CLEC2A: variants seen among roughly 807,000 people sequenced by gnomAD.
CLEC2A encodes the protein keratinocyte-associated C-type lectin.
Under a neutral mutation model 18.6 loss-of-function variants are expected in CLEC2A, and 19 were observed. The observed-to-expected ratio is 1.02, with a 90% CI of 0.71 to 1.50. CLEC2A has a LOEUF of 1.50. Among genes scored for constraint, CLEC2A ranks in the 40% most tolerant of loss-of-function variants. The pLI is 0.00. For missense variants in CLEC2A, 190 were observed against 207.9 expected, an observed-to-expected ratio of 0.91 and a Z score of 0.53; for synonymous variants, 74 against 64.0, an observed-to-expected ratio of 1.16 and a Z score of -0.75.
Position 9,926,267 on chromosome 12 carries a change from A to C in CLEC2A, c.132T>G (p.Ile44Met). The change falls in exon 2 of 5, where the codon ATT becomes ATG. Residue 44 changes from isoleucine to methionine, a missense_variant. By Grantham distance (10) the Ile-to-Met change is conservative. Coordinates refer to ENST00000455827, the MANE Select transcript of CLEC2A (RefSeq NM_001130711.2). ...LSIIITTVCI[I>M]MIATWSKHAK... ...ATGAATTAAACCACTCACCTATCAT[A>C]ATAATGCAAACTGTAGTAATAATAA... The C allele has an allele frequency of 6.5e-7, 1 of 1,536,454 alleles. No homozygotes were observed. The highest frequency in any genetic ancestry group is 8.8e-7 in the Non-Finnish European group (1 of 1,133,286).
At chr12:9,911,192 A>C (rs112944242), downstream of CLEC2A, among the ~76,000 whole-genome samples, 2 of 152,156 alleles carry the variant, frequency 1.3e-5, no homozygotes, top group Non-Finnish European at 2.9e-5. Flanking sequence ...AGGAGGGAAG[A>C]GAAGAGGGCC....
downstream of CLEC2A, among the ~76,000 whole-genome samples, chr12:9,908,909 GC>G (rs1211315610): frequency 2.0e-5 from 3 of 152,142 alleles, no homozygotes; most frequent in Non-Finnish European, 4.4e-5. Context: ...TTGATTTGGA[GC>G]CCCCTGTTGA....
chr12:9,909,342 C>T (rs767284616), downstream of CLEC2A, among the ~76,000 whole-genome samples: 3 of 152,168 alleles, frequency 2.0e-5, no homozygotes, highest in African/African-American at 7.2e-5. Context: ...CGGAATTCCT[C>T]GTCTGCTGTA....
chr12:9,884,504 C>T, the CLEC2A span, among the ~76,000 whole-genome samples: 8 of 150,642 alleles, frequency 5.3e-5, no homozygotes, highest in Admixed American at 2.0e-4. Context: ...GAATAACACA[C>T]GTAATTGTGC....
At chr12:9,930,087 A>G (rs892954174) in intron 1 of CLEC2A, among the ~76,000 whole-genome samples, 1 of 152,192 alleles carries the variant, frequency 6.6e-6, no homozygotes, top group Non-Finnish European at 1.5e-5. Flanking sequence ...TCTGAAATTA[A>G]GATGTTGGTC....
chr12:9,893,477 C>G, the CLEC2A span: 191 of 1,522,074 alleles, frequency 1.3e-4, 1 homozygote, highest in Middle Eastern at 5.0e-4. Flanking sequence ...TTGGATTGGA[C>G]TATATGTTAC....
At chr12:9,885,990 G>A in the CLEC2A span, among the ~76,000 whole-genome samples, 2 of 152,012 alleles carry the variant, frequency 1.3e-5, no homozygotes, top group Admixed American at 1.3e-4. Flanking sequence ...GTTAGACACT[G>A]AGTATGACCT....
chr12:9,896,261 T>C (rs1284086059), downstream of CLEC2A, among the ~76,000 whole-genome samples: 2 of 152,194 alleles, frequency 1.3e-5, no homozygotes, highest in Non-Finnish European at 2.9e-5. Context: ...CTGTGTATTA[T>C]AGCCTGAAGT....
At chr12:9,909,499 C>T (rs1030653658), downstream of CLEC2A, among the ~76,000 whole-genome samples, 1 of 152,186 alleles carries the variant, frequency 6.6e-6, no homozygotes, top group East Asian at 1.9e-4. Flanking sequence ...AAATTGATCA[C>T]CGACCTGATC....
the CLEC2A span, among the ~76,000 whole-genome samples, chr12:9,889,754 C>T: frequency 6.6e-6 from 1 of 151,560 alleles, no homozygotes. Context: ...TACGGTAATA[C>T]AGTGTGGAGG....
downstream of CLEC2A, among the ~76,000 whole-genome samples, chr12:9,912,492 A>G (rs978935982): frequency 2.6e-5 from 4 of 152,194 alleles, no homozygotes; most frequent in Non-Finnish European, 5.9e-5. Context: ...AGAGGTTTCG[A>G]GTCCTCATTT....
the CLEC2A span, among the ~76,000 whole-genome samples, chr12:9,892,235 G>A: frequency 6.6e-6 from 1 of 152,138 alleles, no homozygotes; most frequent in East Asian, 1.9e-4. Context: ...GGGTAAAGAA[G>A]GAAGAGGAGG....
At chr12:9,884,254 A>C in the CLEC2A span, among the ~76,000 whole-genome samples, 1 of 151,994 alleles carries the variant, frequency 6.6e-6, no homozygotes, top group Non-Finnish European at 1.5e-5. Flanking sequence ...ATTCTTGCCA[A>C]CTCTAATGCG....
At chr12:9,883,667 G>A in the CLEC2A span, among the ~76,000 whole-genome samples, 1 of 152,068 alleles carries the variant, frequency 6.6e-6, no homozygotes, top group Non-Finnish European at 1.5e-5. Context: ...TTCCATATTT[G>A]CTTGAACAGC....
chr12:9,907,718 G>C (rs1489945830), intron 4 of CLEC2A, among the ~76,000 whole-genome samples: 1 of 152,172 alleles, frequency 6.6e-6, no homozygotes, highest in Non-Finnish European at 1.5e-5. Flanking sequence ...TCTGAAACCT[G>C]TTCTAAATTT....
the CLEC2A span, among the ~76,000 whole-genome samples, chr12:9,892,707 C>T: frequency 6.6e-6 from 1 of 151,414 alleles, no homozygotes; most frequent in African/African-American, 2.4e-5. Flanking sequence ...GCCTCAGCCT[C>T]CCAAGTAGCT....
intron 1 of CLEC2A, among the ~76,000 whole-genome samples, chr12:9,928,223 T>G (rs1272327849): frequency 1.3e-5 from 2 of 152,160 alleles, no homozygotes; most frequent in Admixed American, 1.3e-4. Flanking sequence ...CCCAGCACTT[T>G]GGGAGGCCAA....
At chr12:9,924,453 C>T (rs988270345) in intron 2 of CLEC2A, among the ~76,000 whole-genome samples, 8 of 151,380 alleles carry the variant, frequency 5.3e-5, no homozygotes, top group African/African-American at 1.7e-4. Context: ...CAACCCAACC[C>T]AACCCAACCC....
the CLEC2A span, among the ~76,000 whole-genome samples, chr12:9,883,204 C>A: frequency 2.0e-5 from 3 of 152,130 alleles, no homozygotes; most frequent in African/African-American, 4.8e-5. Flanking sequence ...TAAAGTTACA[C>A]CTATTCCTTA....
Sources: gnomAD v4.1 joint callset for allele counts (sites outside exome capture counted in the v4.1 genomes callset) on GRCh38, gnomAD v4.1.1 for gene constraint, MANE v1.5 for transcripts, NCBI Gene and HGNC (gene_info 2026-07-23, HGNC 2026-07-21) for gene names.